DLG2: variants seen among roughly 807,000 people sequenced by gnomAD.
DLG2 encodes discs large MAGUK scaffold protein 2.
Under a neutral mutation model 132.5 loss-of-function variants are expected in DLG2, and 45 were observed. The observed-to-expected ratio is 0.34, with a 90% CI of 0.27 to 0.44. The LOEUF (loss-of-function observed/expected upper bound fraction) is 0.44, where lower values mean the gene tolerates loss of function less well. Among genes scored for constraint, DLG2 ranks in the 20% least tolerant of loss-of-function variants. The pLI is 1.00. For missense variants in DLG2, 1,045 were observed against 1,196.9 expected (o/e 0.87, Z 1.87); for synonymous variants, 424 against 419.6 (o/e 1.01, Z -0.13).
At chr11:84,522,523 G>A (rs1213155150) in intron 7 of DLG2, among the ~76,000 whole-genome samples, 1 of 152,160 alleles carries the variant, frequency 6.6e-6, no homozygotes, top group Non-Finnish European at 1.5e-5. Context: ...CAATTCAGAA[G>A]GAACAAATCA....
At chr11:83,577,484 T>TTATATATATATATAATAGGATATATTA (rs1555208706) in intron 19 of DLG2, among the ~76,000 whole-genome samples, 3,460 of 124,262 alleles carry the variant, frequency 0.028, 242 homozygotes, top group African/African-American at 0.12. Flanking sequence ...ATAGGATATA[T>TTATATATATATATAATAGGATATATTA]TATATATATA....
At chr11:85,121,654 A>AG (rs2074332123) in intron 5 of DLG2, among the ~76,000 whole-genome samples, 15 of 152,058 alleles carry the variant, frequency 9.9e-5, no homozygotes, top group Admixed American at 9.8e-4. Context: ...AGGTGTATAT[A>AG]AGGAATTTTA....
At chr11:83,610,250 G>T (rs1233114729) in intron 19 of DLG2, among the ~76,000 whole-genome samples, 1 of 152,104 alleles carries the variant, frequency 6.6e-6, no homozygotes, top group African/African-American at 2.4e-5. Flanking sequence ...TCCTATCTAT[G>T]TGGTTTACGT....
At chr11:84,143,435 A>G (rs2094939903) in intron 9 of DLG2, among the ~76,000 whole-genome samples, 1 of 152,196 alleles carries the variant, frequency 6.6e-6, no homozygotes, top group Non-Finnish European at 1.5e-5. Flanking sequence ...AAATGACTAC[A>G]TGTGCATTTT....
intron 3 of DLG2, among the ~76,000 whole-genome samples, chr11:85,481,288 C>G (rs1219988450): frequency 6.6e-6 from 1 of 152,156 alleles, no homozygotes; most frequent in Non-Finnish European, 1.5e-5. Context: ...TGAGTATCAG[C>G]AAGATGGCAG....
chr11:83,520,947 T>C (rs2095464152), intron 21 of DLG2, among the ~76,000 whole-genome samples: 1 of 152,162 alleles, frequency 6.6e-6, no homozygotes, highest in African/African-American at 2.4e-5. Flanking sequence ...GTTGACTGCC[T>C]AAGAAGAATA....
intron 6 of DLG2, among the ~76,000 whole-genome samples, chr11:84,553,331 C>T (rs563846632): frequency 4.3e-4 from 65 of 152,194 alleles, no homozygotes; most frequent in Middle Eastern, 3.4e-3. Context: ...TTAGAGAAAA[C>T]GCAATGACCA....
intron 7 of DLG2, among the ~76,000 whole-genome samples, chr11:84,405,710 G>C (rs2098846343): frequency 6.6e-6 from 1 of 152,116 alleles, no homozygotes; most frequent in Non-Finnish European, 1.5e-5. Context: ...AGACTAGAAA[G>C]TACTAAGGGG....
intron 6 of DLG2, among the ~76,000 whole-genome samples, chr11:84,872,753 T>G (rs1431868642): frequency 6.6e-6 from 1 of 152,238 alleles, no homozygotes; most frequent in Non-Finnish European, 1.5e-5. Flanking sequence ...CTTTACAGTT[T>G]CACAAGGTAA....
At chr11:84,878,395 T>C (rs941107997) in intron 6 of DLG2, among the ~76,000 whole-genome samples, 2 of 152,184 alleles carry the variant, frequency 1.3e-5, no homozygotes, top group Non-Finnish European at 2.9e-5. Flanking sequence ...GATGAGTTAA[T>C]GTCCTTTGCA....
At chr11:83,636,569 T>C (rs2064908464) in intron 18 of DLG2, among the ~76,000 whole-genome samples, 1 of 152,188 alleles carries the variant, frequency 6.6e-6, no homozygotes, top group Non-Finnish European at 1.5e-5. Flanking sequence ...ATTCTTCTGT[T>C]ATTTTTATTG....
At chr11:84,218,560 A>G (rs1404441248) in intron 8 of DLG2, among the ~76,000 whole-genome samples, 4 of 152,226 alleles carry the variant, frequency 2.6e-5, no homozygotes, top group Admixed American at 2.6e-4. Context: ...AAGGCTTTTA[A>G]GAAAACGGTA....
intron 3 of DLG2, among the ~76,000 whole-genome samples, chr11:85,557,413 T>G (rs767572501): frequency 1.3e-5 from 2 of 151,752 alleles, no homozygotes; most frequent in Admixed American, 6.6e-5. Context: ...ACTATTCCCA[T>G]CAAACTACCA....
At chr11:85,401,518 G>A (rs2088107038) in intron 3 of DLG2, among the ~76,000 whole-genome samples, 1 of 152,048 alleles carries the variant, frequency 6.6e-6, no homozygotes. Flanking sequence ...GAAATAAAGG[G>A]TATTCAATTA....
At chr11:84,521,707 T>C (rs2099301654) in intron 7 of DLG2, among the ~76,000 whole-genome samples, 1 of 152,212 alleles carries the variant, frequency 6.6e-6, no homozygotes. Context: ...GTTGAATGAG[T>C]AGCGGCAGCT....
intron 11 of DLG2, among the ~76,000 whole-genome samples, chr11:84,050,581 G>T (rs936986251): frequency 6.6e-6 from 1 of 151,992 alleles, no homozygotes; most frequent in African/African-American, 2.4e-5. Context: ...GTTTAGACAT[G>T]AAGTCCTTGC....
chr11:85,286,237 T>C (rs1376802203), intron 3 of DLG2: 2 of 301,820 alleles, frequency 6.6e-6, no homozygotes, highest in South Asian at 2.7e-5. Context: ...TATACTAAAA[T>C]TGAACAATTA....
chr11:84,275,356 ATT>A lies in DLG2; in HGVS notation c.520-24067_520-24066del, dbSNP rs11342389. Among the ~76,000 whole-genome samples the A allele has an allele frequency of 1.8e-3, 268 of 149,344 alleles. 3 individuals carry two copies. Among genetic ancestry groups the A allele is most frequent in the African/African-American group, 5.0e-3 (206 of 40,902 alleles). ...TATCAAGCATCTCCCATGTGCTATA[ATT>A]TTTTTTTTTTTCTTGAGACGGAGTC... On this transcript the variant is annotated intron_variant, in intron 7 of 27. Transcript: ENST00000376104.
intron 18 of DLG2, among the ~76,000 whole-genome samples, chr11:83,716,259 A>T (rs912242986): frequency 1.2e-4 from 19 of 152,160 alleles, no homozygotes; most frequent in African/African-American, 4.3e-4. Context: ...TCTATTTCCT[A>T]CTTAAAACCA....
Sources: allele counts gnomAD v4.1 joint callset (sites outside exome capture counted in the v4.1 genomes callset), GRCh38; gene constraint gnomAD v4.1.1; transcripts MANE v1.5; gene names NCBI Gene and HGNC (gene_info 2026-07-23, HGNC 2026-07-21).